Variants in THSD7A observed in about 807,000 individuals in gnomAD.
THSD7A encodes thrombospondin type 1 domain containing 7A, also known as thrombospondin type-1 domain-containing protein 7A.
THSD7A carries 96 observed loss-of-function variants against 231.3 expected under a neutral mutation model. The observed-to-expected ratio is 0.41, with a 90% CI of 0.35 to 0.49. The LOEUF (loss-of-function observed/expected upper bound fraction) is 0.49, where lower values mean the gene tolerates loss of function less well. THSD7A is among the 20% of genes least tolerant of loss of function. The pLI is 0.05. For missense variants in THSD7A, 2,290 were observed against 2,070.2 expected, an observed-to-expected ratio of 1.11 and a Z score of -2.06; for synonymous variants, 940 against 743.3, an observed-to-expected ratio of 1.26 and a Z score of -4.30.
chr7:11,727,722 T>A lies in THSD7A; in HGVS notation c.191-90761A>T, dbSNP rs189002197. On this transcript the variant is annotated intron_variant, in intron 1 of 27. Coordinates refer to ENST00000423059, the MANE Select transcript of THSD7A (RefSeq NM_015204.3). ...ATTTTAAATAAATGACAGAGAAACA[T>A]CTCAAAACAATAATTATAGGTATTC... Among the ~76,000 whole-genome samples the A allele has an allele frequency of 1.5e-3, 234 of 152,072 alleles. 2 individuals carry two copies. Among genetic ancestry groups the A allele is most frequent in the Non-Finnish European group, 1.5e-3 (102 of 67,946 alleles).
intron 1 of THSD7A, among the ~76,000 whole-genome samples, chr7:11,729,667 A>G (rs1270455022): frequency 6.6e-6 from 1 of 151,778 alleles, no homozygotes; most frequent in African/African-American, 2.4e-5. Flanking sequence ...GCAGATTTAA[A>G]GATCTAAAGA....
At chr7:11,722,825 C>A (rs1010671751) in intron 1 of THSD7A, among the ~76,000 whole-genome samples, 1 of 151,948 alleles carries the variant, frequency 6.6e-6, no homozygotes, top group Non-Finnish European at 1.5e-5. Flanking sequence ...AGTCAGGAAA[C>A]AACACGTGCT....
chr7:11,502,852 C>G (rs544947511), intron 6 of THSD7A, among the ~76,000 whole-genome samples: 37 of 152,264 alleles, frequency 2.4e-4, no homozygotes, highest in Admixed American at 9.8e-4. Flanking sequence ...TAGAAAGAAT[C>G]AGTATCATTA....
At chr7:11,574,821 A>T (rs1243721103) in intron 4 of THSD7A, among the ~76,000 whole-genome samples, 3 of 152,166 alleles carry the variant, frequency 2.0e-5, no homozygotes, top group Non-Finnish European at 4.4e-5. Flanking sequence ...TATAAGACTG[A>T]ATCACTATTT....
chr7:11,527,565 A>G (rs1490759353), intron 6 of THSD7A, among the ~76,000 whole-genome samples: 1 of 152,182 alleles, frequency 6.6e-6, no homozygotes, highest in African/African-American at 2.4e-5. Context: ...TTTGCACTCT[A>G]TCAAGAAATC....
chr7:11,584,738 T>C (rs929303), intron 4 of THSD7A, among the ~76,000 whole-genome samples: 37,095 of 151,886 alleles, frequency 0.24, 4,673 homozygotes, highest in Middle Eastern at 0.28. Flanking sequence ...ATAAAAACTG[T>C]TCCCTTAAAT....
At chr7:11,431,903 C>G (rs186754910) in intron 13 of THSD7A, among the ~76,000 whole-genome samples, 2 of 151,932 alleles carry the variant, frequency 1.3e-5, no homozygotes, top group African/African-American at 2.4e-5. Flanking sequence ...TATATTTATT[C>G]CTAAGTATTT....
At chr7:11,566,466 G>GATC (rs1292389847) in intron 4 of THSD7A, among the ~76,000 whole-genome samples, 3 of 152,102 alleles carry the variant, frequency 2.0e-5, no homozygotes, top group African/African-American at 4.8e-5. Flanking sequence ...GTAATGTTTA[G>GATC]ATCACCCTTT....
chr7:11,737,675 A>G (rs2128159657), intron 1 of THSD7A, among the ~76,000 whole-genome samples: 1 of 152,136 alleles, frequency 6.6e-6, no homozygotes, highest in African/African-American at 2.4e-5. Context: ...CCAATGAGCA[A>G]GTTCTAGAAA....
At chr7:11,439,699 A>C (rs1174305020) in intron 13 of THSD7A, among the ~76,000 whole-genome samples, 2 of 152,034 alleles carry the variant, frequency 1.3e-5, no homozygotes, top group Non-Finnish European at 2.9e-5. Flanking sequence ...GCAAGATCCT[A>C]TCTTCAGCTC....
intron 1 of THSD7A, among the ~76,000 whole-genome samples, chr7:11,649,821 T>A (rs1341352582): frequency 6.6e-6 from 1 of 152,056 alleles, no homozygotes; most frequent in Non-Finnish European, 1.5e-5. Context: ...GGGTGCCACC[T>A]TTCTTATCAG....
chr7:11,547,659 AC>A (rs1192389189), intron 4 of THSD7A, among the ~76,000 whole-genome samples: 1 of 152,110 alleles, frequency 6.6e-6, no homozygotes, highest in Non-Finnish European at 1.5e-5. Context: ...CATATCAACC[AC>A]CCTCTCAGAC....
chr7:11,820,693 T>G, intron 1 of THSD7A: 1 of 892,830 alleles, frequency 1.1e-6, no homozygotes, highest in South Asian at 1.3e-5. Flanking sequence ...CCAGTCTCGA[T>G]GTCTCAAAGC....
chr7:11,653,448 A>ATGTG (rs60933989), intron 1 of THSD7A, among the ~76,000 whole-genome samples: 29,592 of 126,798 alleles, frequency 0.23, 3,706 homozygotes, highest in East Asian at 0.38. Context: ...ACTCCCAGAT[A>ATGTG]TGTGTGTGTG....
chr7:11,540,976 T>C (rs1310998578), intron 6 of THSD7A, among the ~76,000 whole-genome samples: 2 of 152,090 alleles, frequency 1.3e-5, no homozygotes, highest in Non-Finnish European at 2.9e-5. Flanking sequence ...TAAGACACGA[T>C]ATCAGGGAGG....
At chr7:11,753,916 A>G (rs1435967773) in intron 1 of THSD7A, among the ~76,000 whole-genome samples, 1 of 152,038 alleles carries the variant, frequency 6.6e-6, no homozygotes, top group African/African-American at 2.4e-5. Context: ...CACAAAACAG[A>G]GGCATAGAAA....
Position 11,446,443 on chromosome 7 carries a change from T to C in THSD7A, c.2801-119A>G. ...CTTCATTTTTAACCATATTTAACAG[T>C]AGCCTATAAATCAATGCTATTTTCT... is the stretch of plus-strand genomic sequence containing the variant. On this transcript the variant is annotated intron_variant, in intron 12 of 27. Coordinates refer to ENST00000423059, the MANE Select transcript of THSD7A (RefSeq NM_015204.3). The surrounding 1 kb of genome is among the most constrained non-coding windows in gnomAD (Gnocchi z 4.0). 3 of 1,148,760 alleles carry C rather than the reference T, an allele frequency of 2.6e-6. No individual in the cohort carries two copies. The highest frequency in any genetic ancestry group is 3.7e-6 in the Non-Finnish European group (3 of 814,568). The allele number at this position is 1,148,760 out of a possible 1,614,324, so 71.2% of individuals were successfully genotyped here.
In THSD7A at chr7:11,550,478, C is replaced by T. The variant is rs187625010; in HGVS notation, c.1454-7361G>A. On this transcript the variant is annotated intron_variant, in intron 4 of 27. Transcript: ENST00000423059. ...GCAGGAGGCGAGTGGATCATGGGGG[C>T]ACTTCCCCCATGCTATTCTCATGAT... Among the ~76,000 whole-genome samples the T allele has an allele frequency of 4.5e-4, 69 of 152,228 alleles. No homozygotes were observed. In the East Asian group the frequency reaches 0.012, roughly 27 times the overall value.
At chr7:11,537,893 T>C (rs1043983023) in intron 6 of THSD7A, among the ~76,000 whole-genome samples, 13 of 152,216 alleles carry the variant, frequency 8.5e-5, no homozygotes, top group African/African-American at 1.4e-4. Flanking sequence ...ATAGGCCTTC[T>C]TCAGCATTAC....
Sources: allele counts gnomAD v4.1 joint callset (sites outside exome capture counted in the v4.1 genomes callset), GRCh38; gene constraint gnomAD v4.1.1; non-coding constraint Gnocchi (gnomAD v3.1); transcripts MANE v1.5; gene names NCBI Gene and HGNC (gene_info 2026-07-23, HGNC 2026-07-21).